Variants in BCAS1 observed in about 807,000 individuals in gnomAD.
BCAS1 encodes brain enriched myelin associated protein 1.
Under a neutral mutation model 65.4 loss-of-function variants are expected in BCAS1, and 46 were observed. That is an observed-to-expected ratio of 0.70 (90% CI 0.55 to 0.90). The LOEUF (loss-of-function observed/expected upper bound fraction) is 0.90. Among genes scored for constraint, BCAS1 ranks in the 40% least tolerant of loss-of-function variants. The probability of loss-of-function intolerance (pLI) is 0.00; values close to 1 mark genes in which losing one functional copy is unlikely to be tolerated. For missense variants in BCAS1, 793 were observed against 771.2 expected (o/e 1.03, Z -0.33); for synonymous variants, 298 against 293.5 (o/e 1.02, Z -0.16).
At position 53,953,660 on chromosome 20, in the gene BCAS1, T is replaced by C. The variant is rs1158100352; in HGVS notation, c.1587A>G (p.Pro529=). 6.2e-7 allele frequency: 1 copy of C among 1,613,978 alleles called. No individual in the cohort carries two copies. The highest frequency in any genetic ancestry group is 8.5e-7 in the Non-Finnish European group (1 of 1,179,998). Residue 529 remains proline, a synonymous_variant, in exon 12 of 13, where the codon CCA becomes CCG. Transcript: ENST00000688948. ...GTGGTGCTCCTGTTGGTTCAGGCTC[T>C]GGCGGTGTGATAGTCTTTTCTGTGG... is the stretch of plus-strand genomic sequence containing the variant. ...SDSTEKTITP[P]EPEPTGAPQK...
At chr20:54,060,459 C>T (rs921231694) in intron 1 of BCAS1, among the ~76,000 whole-genome samples, 8 of 151,440 alleles carry the variant, frequency 5.3e-5, no homozygotes, top group Non-Finnish European at 4.4e-5. Flanking sequence ...ATAACAGGTG[C>T]GTGGCACAAC....
At chr20:54,002,008 TG>T (rs1466740407) in intron 4 of BCAS1, among the ~76,000 whole-genome samples, 1 of 151,916 alleles carries the variant, frequency 6.6e-6, no homozygotes, top group East Asian at 1.9e-4. Context: ...GCACTCTCTC[TG>T]GCCCTGTGTA....
chr20:54,018,416 T>C (rs996293699), intron 4 of BCAS1, among the ~76,000 whole-genome samples: 7 of 151,658 alleles, frequency 4.6e-5, no homozygotes, highest in Admixed American at 4.6e-4. Context: ...TTTTTTTTTT[T>C]TTCGAGACAG....
At chr20:53,964,322 A>C (rs553383479) in intron 10 of BCAS1, among the ~76,000 whole-genome samples, 1 of 152,230 alleles carries the variant, frequency 6.6e-6, no homozygotes, top group Non-Finnish European at 1.5e-5. Flanking sequence ...GGACTTTAGT[A>C]AGCTGGAAAA....
intron 7 of BCAS1, 110 bp downstream of exon 7, chr20:53,992,401 AC>A: frequency 1.1e-6 from 1 of 875,948 alleles, no homozygotes; most frequent in Non-Finnish European, 1.6e-6. Context: ...AATGATCCCC[AC>A]CACCCAAGGC....
At chr20:54,028,136 C>G (rs2091715810) in intron 4 of BCAS1, among the ~76,000 whole-genome samples, 1 of 152,188 alleles carries the variant, frequency 6.6e-6, no homozygotes, top group East Asian at 1.9e-4. Context: ...TGGACAAATT[C>G]ATCTGCATGT....
chr20:53,994,219 G>A (rs946863596), intron 6 of BCAS1, among the ~76,000 whole-genome samples: 4 of 152,216 alleles, frequency 2.6e-5, no homozygotes, highest in Non-Finnish European at 5.9e-5. Flanking sequence ...GATATCAGAA[G>A]AAGGACCCAA....
chr20:53,979,157 C>T (rs371562277), intron 8 of BCAS1, among the ~76,000 whole-genome samples: 22 of 152,078 alleles, frequency 1.4e-4, no homozygotes, highest in African/African-American at 5.3e-4. Flanking sequence ...ACAACTCAAA[C>T]CATGTCTGGA....
chr20:54,015,666 T>C (rs1265806538), intron 4 of BCAS1, among the ~76,000 whole-genome samples: 3 of 151,892 alleles, frequency 2.0e-5, no homozygotes, highest in African/African-American at 7.3e-5. Flanking sequence ...ATTTAAAAAG[T>C]TGTTATTCTT....
chr20:54,014,530 C>T (rs2091391256), intron 4 of BCAS1, among the ~76,000 whole-genome samples: 1 of 152,176 alleles, frequency 6.6e-6, no homozygotes, highest in South Asian at 2.1e-4. Flanking sequence ...GCTTAAAAAG[C>T]CTTGTCTGGA....
Position 54,028,867 on chromosome 20 carries a change from T to A in BCAS1, c.248A>T (p.Glu83Val). 2 of 1,614,054 alleles carry A rather than the reference T, an allele frequency of 1.2e-6. No individual in the cohort carries two copies. Among genetic ancestry groups the A allele is most frequent in the Middle Eastern group, 1.6e-4 (1 of 6,062 alleles). Residue 83 changes from glutamate (E) to valine (V), a missense_variant, in exon 4 of 13, where the codon GAG (glutamate) becomes GTG (valine). Glu to Val is a moderately radical substitution (Grantham distance 121). Transcript: ENST00000688948. ...ADANGKNLGK[E>V]AKPEAPAAKS... ...AGCAGCTGGTGCCTCGGGTTTGGCC[T>A]CTTTCCCAAGATTCTTTCCGTTGGC...
At chr20:54,058,772 G>A (rs1447139553) in intron 1 of BCAS1, 49 bp from the exon 2 acceptor site, 6 of 1,599,720 alleles carry the variant, frequency 3.8e-6, no homozygotes, top group Non-Finnish European at 5.1e-6. Flanking sequence ...AAAACCAAAC[G>A]AAGCTACATG....
At chr20:54,061,245 C>A (rs758548792) in intron 1 of BCAS1, among the ~76,000 whole-genome samples, 1 of 152,126 alleles carries the variant, frequency 6.6e-6, no homozygotes, top group Non-Finnish European at 1.5e-5. Flanking sequence ...TCCTAACCAC[C>A]GGAATGTTCT....
intron 4 of BCAS1, among the ~76,000 whole-genome samples, chr20:54,009,191 TAGAA>T (rs1394734981): frequency 6.6e-6 from 1 of 151,840 alleles, no homozygotes; most frequent in Non-Finnish European, 1.5e-5. Flanking sequence ...AATGAAAAAA[TAGAA>T]AGCCCCAGCA....
chr20:54,055,106 C>G (rs895570994), intron 3 of BCAS1, among the ~76,000 whole-genome samples: 1 of 152,088 alleles, frequency 6.6e-6, no homozygotes, highest in African/African-American at 2.4e-5. Flanking sequence ...AACAATTTTT[C>G]CCTATTCATT....
intron 4 of BCAS1, among the ~76,000 whole-genome samples, chr20:53,998,476 G>A (rs6022911): frequency 0.12 from 18,673 of 152,120 alleles, 2,436 homozygotes; most frequent in African/African-American, 0.33. Context: ...GTCAGAGCAG[G>A]AGCAAGAGAG....
chr20:54,021,477 T>C (rs998179497), intron 4 of BCAS1, among the ~76,000 whole-genome samples: 12 of 146,012 alleles, frequency 8.2e-5, no homozygotes, highest in African/African-American at 2.5e-4. Flanking sequence ...CCCAGTCTAT[T>C]GTTGATGGGC....
intron 3 of BCAS1, among the ~76,000 whole-genome samples, chr20:54,044,639 A>G (rs966728255): frequency 2.0e-5 from 3 of 152,140 alleles, no homozygotes; most frequent in African/African-American, 7.2e-5. Context: ...GGAGTTTGAG[A>G]CCAGCCTGGC....
chr20:54,012,517 G>A (rs1375058589), intron 4 of BCAS1, among the ~76,000 whole-genome samples: 1 of 147,986 alleles, frequency 6.8e-6, no homozygotes, highest in Non-Finnish European at 1.5e-5. Context: ...GAGCAACAAT[G>A]AAGAACCACT....
Sources: allele counts gnomAD v4.1 joint callset (sites outside exome capture counted in the v4.1 genomes callset), GRCh38; gene constraint gnomAD v4.1.1; transcripts MANE v1.5; gene names NCBI Gene and HGNC (gene_info 2026-07-23, HGNC 2026-07-21).